USP34: variants seen among roughly 807,000 people sequenced by gnomAD.
USP34 encodes ubiquitin specific peptidase 34, also known as ubiquitin carboxyl-terminal hydrolase 34.
USP34 carries 70 observed loss-of-function variants against 460.3 expected under a neutral mutation model. The ratio of observed to expected loss-of-function variants is 0.15; its 90% CI spans 0.13 to 0.19. The LOEUF is 0.19. Ranked by LOEUF, USP34 falls within the 10% of genes least tolerant of loss-of-function variation. The pLI is 1.00. For missense variants in USP34, 3,985 were observed against 4,236.2 expected, an observed-to-expected ratio of 0.94 and a Z score of 1.65; for synonymous variants, 1,647 against 1,405.3, an observed-to-expected ratio of 1.17 and a Z score of -3.85.
chr2:61,327,468 G>T (rs1336900666), intron 20 of USP34, among the ~76,000 whole-genome samples: 1 of 152,156 alleles, frequency 6.6e-6, no homozygotes, highest in East Asian at 1.9e-4. Context: ...TGTAGCAGAG[G>T]CCTTGAGTAC....
intron 1 of USP34, among the ~76,000 whole-genome samples, chr2:61,463,198 G>A (rs989883992): frequency 6.6e-6 from 1 of 151,310 alleles, no homozygotes; most frequent in Non-Finnish European, 1.5e-5. Flanking sequence ...TTCTCAGCCG[G>A]GTACAGCATA....
At chr2:61,439,787 T>C (rs1290351366) in intron 1 of USP34, among the ~76,000 whole-genome samples, 1 of 152,164 alleles carries the variant, frequency 6.6e-6, no homozygotes, top group African/African-American at 2.4e-5. Context: ...CCTGGAGACC[T>C]GCTCAGCCAT....
chr2:61,407,967 T>A (rs771062553), intron 2 of USP34, among the ~76,000 whole-genome samples: 1 of 151,910 alleles, frequency 6.6e-6, no homozygotes, highest in African/African-American at 2.4e-5. Flanking sequence ...ATACAAAAAT[T>A]AGCCAGGCGT....
At chr2:61,233,829 A>G (rs943112244) in intron 57 of USP34, among the ~76,000 whole-genome samples, 3 of 140,074 alleles carry the variant, frequency 2.1e-5, no homozygotes, top group Non-Finnish European at 4.7e-5. Flanking sequence ...ACAGAGTGAC[A>G]CCCACTCTGG....
intron 75 of USP34, chr2:61,193,210 T>A: frequency 2.9e-6 from 1 of 347,408 alleles, no homozygotes; most frequent in Non-Finnish European, 5.3e-6. Context: ...ATATGGGACT[T>A]AAATCAACTC....
chr2:61,271,604 G>A (rs1461421775), intron 41 of USP34, among the ~76,000 whole-genome samples: 1 of 151,994 alleles, frequency 6.6e-6, no homozygotes, highest in Admixed American at 6.6e-5. Flanking sequence ...AGGAAAAAAG[G>A]AAGAAAAAGG....
intron 27 of USP34, among the ~76,000 whole-genome samples, chr2:61,306,004 G>C (rs1690392727): frequency 6.6e-6 from 1 of 152,032 alleles, no homozygotes; most frequent in Non-Finnish European, 1.5e-5. Flanking sequence ...TGAGCAGATT[G>C]CAAAAATTTC....
intron 1 of USP34, among the ~76,000 whole-genome samples, chr2:61,427,090 C>T (rs1373857125): frequency 1.3e-5 from 2 of 152,166 alleles, no homozygotes; most frequent in African/African-American, 2.4e-5. Flanking sequence ...TGCAGTGGCA[C>T]GATCTCGGCT....
chr2:61,201,585 A>G (rs900648528), intron 75 of USP34, among the ~76,000 whole-genome samples: 4 of 152,166 alleles, frequency 2.6e-5, no homozygotes, highest in Admixed American at 6.5e-5. Context: ...ATAGTGCTTC[A>G]TGGTTACAAA....
At chr2:61,209,110 A>T (rs539771811) in intron 69 of USP34, 133 bp from the exon 70 acceptor site, 10 of 446,174 alleles carry the variant, frequency 2.2e-5, no homozygotes, top group Admixed American at 1.2e-4. Context: ...AGACTGCTTC[A>T]TCTGTTTCCT....
At chr2:61,352,428 T>C (rs1482236233) in intron 10 of USP34, among the ~76,000 whole-genome samples, 1 of 151,942 alleles carries the variant, frequency 6.6e-6, no homozygotes, top group Non-Finnish European at 1.5e-5. Context: ...TACTTAATTT[T>C]GATAATTAAG....
Position 61,190,961 on chromosome 2 carries a change from A to G in USP34, c.9589-303T>C, listed in dbSNP as rs566625617. 4.7e-5 allele frequency: 10 copies of G among 213,170 alleles called. No individual in the cohort carries two copies. In the South Asian group the frequency reaches 1.1e-3, roughly 24 times the overall value. 13.2% of individuals were successfully genotyped at this position (213,170 alleles called of 1,614,324 possible). On this transcript the variant is annotated intron_variant, in intron 76 of 79. Coordinates refer to ENST00000398571, the MANE Select transcript of USP34 (RefSeq NM_014709.4). ...TTATCCAGCACTGAGAGAGTTAACA[A>G]GGACTGGAAAAATAAGGCTAACAAA...
intron 10 of USP34, among the ~76,000 whole-genome samples, chr2:61,352,150 A>G (rs1691959608): frequency 6.6e-6 from 1 of 152,162 alleles, no homozygotes; most frequent in Non-Finnish European, 1.5e-5. Flanking sequence ...TTTGAGCACC[A>G]TGTTGGCACT....
At chr2:61,262,088 C>CAAAAA (rs61651654) in intron 43 of USP34, among the ~76,000 whole-genome samples, 63 of 46,802 alleles carry the variant, frequency 1.3e-3, no homozygotes, top group Admixed American at 2.5e-3. Context: ...AAGACTTCGT[C>CAAAAA]AAAAAAAAAA....
At chr2:61,434,467 G>A (rs1433749604) in intron 1 of USP34, among the ~76,000 whole-genome samples, 1 of 152,170 alleles carries the variant, frequency 6.6e-6, no homozygotes. Context: ...CCTGGCCAGA[G>A]TAACAGTCCT....
intron 8 of USP34, among the ~76,000 whole-genome samples, chr2:61,374,651 C>G (rs1276578714): frequency 6.6e-6 from 1 of 151,900 alleles, no homozygotes; most frequent in African/African-American, 2.4e-5. Context: ...GCTCTGTTGC[C>G]CAGGCCGAAG....
intron 5 of USP34, among the ~76,000 whole-genome samples, chr2:61,387,654 A>G (rs529413433): frequency 6.8e-6 from 1 of 146,496 alleles, no homozygotes. Context: ...AAAAATATAT[A>G]TTTTACATAT....
At chr2:61,400,446 G>C (rs938616875) in intron 3 of USP34, among the ~76,000 whole-genome samples, 2 of 152,090 alleles carry the variant, frequency 1.3e-5, no homozygotes, top group Non-Finnish European at 2.9e-5. Context: ...AGAAAATGCT[G>C]CTCCATGATC....
At chr2:61,339,704 G>C in intron 16 of USP34, 23 bp from the exon 17 acceptor site, 1 of 1,049,124 alleles carries the variant, frequency 9.5e-7, no homozygotes, top group Admixed American at 3.0e-5. Flanking sequence ...AAAAAAAAAA[G>C]ACACACTATA....
Sources: gnomAD v4.1 joint callset for allele counts (sites outside exome capture counted in the v4.1 genomes callset) on GRCh38, gnomAD v4.1.1 for gene constraint, MANE v1.5 for transcripts, NCBI Gene and HGNC (gene_info 2026-07-23, HGNC 2026-07-21) for gene names.